Variants in GNL3L observed in about 807,000 individuals in gnomAD.
GNL3L encodes guanine nucleotide-binding protein-like 3-like protein.
A neutral mutation model predicts 42.9 loss-of-function variants in GNL3L; 4 were observed. The observed-to-expected ratio is 0.09, with a 90% CI of 0.05 to 0.21. GNL3L has a LOEUF of 0.21. Ranked by LOEUF, GNL3L falls within the 10% of genes least tolerant of loss-of-function variation. The pLI is 1.00. For synonymous variants in GNL3L, 159 were observed against 176.3 expected (o/e 0.90, Z 0.78); for missense variants, 412 against 481.7 (o/e 0.86, Z 1.36).
At chrX:54,554,219 T>C in intron 13 of GNL3L, among the ~76,000 whole-genome samples, 1 of 111,191 alleles carries the variant, frequency 9.0e-6, no homozygotes, top group East Asian at 2.8e-4. Flanking sequence ...AGTCTGGTCC[T>C]GGGGAGGGAA....
chrX:54,557,369 C>G (rs968233659), intron 14 of GNL3L, among the ~76,000 whole-genome samples: 1 of 108,335 alleles, frequency 9.2e-6, no homozygotes, highest in African/African-American at 3.4e-5. Flanking sequence ...CTCAAGCAAT[C>G]CCCCCACCTC....
intron 16 of GNL3L, among the ~76,000 whole-genome samples, chrX:54,586,136 G>A (rs1042488418): frequency 3.6e-5 from 4 of 111,399 alleles, no homozygotes; most frequent in Non-Finnish European, 7.5e-5. Context: ...GGAAGGAGAA[G>A]GAAATGAAGC....
chrX:54,613,600 T>C (rs1282890083), intron 16 of GNL3L, among the ~76,000 whole-genome samples: 1 of 111,018 alleles, frequency 9.0e-6, no homozygotes, highest in Non-Finnish European at 1.9e-5. Context: ...GAAGGGATGT[T>C]CCCTTGATGT....
intron 16 of GNL3L, among the ~76,000 whole-genome samples, chrX:54,601,720 A>G (rs979775279): frequency 1.8e-5 from 2 of 111,991 alleles, no homozygotes; most frequent in Non-Finnish European, 3.8e-5. Flanking sequence ...GAACAGTACT[A>G]TTAACCCCAA....
intron 5 of GNL3L, 65 bp from the exon 6 acceptor site, chrX:54,542,890 C>T: frequency 1.5e-6 from 1 of 679,773 alleles, no homozygotes; most frequent in East Asian, 3.4e-5. Flanking sequence ...TTAAAAAGCC[C>T]TGCTTCTCTT....
At chrX:54,547,000 CTTTTTTTTTTT>C (rs748207972) in intron 8 of GNL3L, among the ~76,000 whole-genome samples, 1 of 91,912 alleles carries the variant, frequency 1.1e-5, no homozygotes, top group African/African-American at 4.0e-5. Flanking sequence ...TTTTTTTTTT[CTTTTTTTTTTT>C]TTTGAGATGA....
chrX:54,623,148 G>A (rs1174712935), downstream of GNL3L, among the ~76,000 whole-genome samples: 3 of 112,257 alleles, frequency 2.7e-5, no homozygotes, highest in Non-Finnish European at 5.6e-5. Context: ...CAGGAAGTAT[G>A]AGTCCTCCAA....
chrX:54,623,514 C>T (rs5960323), downstream of GNL3L, among the ~76,000 whole-genome samples: 14,860 of 111,698 alleles, frequency 0.13, 1,505 homozygotes, highest in African/African-American at 0.36. Flanking sequence ...CCGCCTGCCT[C>T]GGTCTCCCAA....
At chrX:54,638,562 C>T in the GNL3L span, among the ~76,000 whole-genome samples, 22 of 111,625 alleles carry the variant, frequency 2.0e-4, no homozygotes, top group South Asian at 7.5e-4. Context: ...CCTCCGCCTC[C>T]CGGGTTCAAG....
At chrX:54,534,360 A>G (rs1924359708) in intron 2 of GNL3L, among the ~76,000 whole-genome samples, 1 of 111,106 alleles carries the variant, frequency 9.0e-6, no homozygotes, top group South Asian at 3.8e-4. Flanking sequence ...GTATCAAGGC[A>G]GGAGCTTGGA....
At chrX:54,536,837 G>A (rs1924447137) in intron 2 of GNL3L, among the ~76,000 whole-genome samples, 1 of 105,504 alleles carries the variant, frequency 9.5e-6, no homozygotes, top group African/African-American at 3.5e-5. Flanking sequence ...AGAGACGAAA[G>A]AAAGGAAGGA....
intron 16 of GNL3L, among the ~76,000 whole-genome samples, chrX:54,613,960 C>T (rs762532898): frequency 4.5e-5 from 5 of 110,159 alleles, no homozygotes; most frequent in East Asian, 2.9e-4. Context: ...AGAAAGGGAC[C>T]GGCAGTGGGT....
chrX:54,590,307 A>G (rs1431518187), intron 16 of GNL3L, among the ~76,000 whole-genome samples: 1 of 112,355 alleles, frequency 8.9e-6, no homozygotes, highest in East Asian at 2.8e-4. Context: ...CTGATGATGA[A>G]TGATGTTGAG....
chrX:54,618,167 TC>T (rs1218315474), intron 16 of GNL3L, among the ~76,000 whole-genome samples: 2 of 111,059 alleles, frequency 1.8e-5, no homozygotes, highest in African/African-American at 6.5e-5. Context: ...TTTTGCTCAT[TC>T]CTCCCTCTTG....
chrX:54,630,701 T>TTCCTTC, the GNL3L span, among the ~76,000 whole-genome samples: 1,205 of 20,537 alleles, frequency 0.059, 44 homozygotes, highest in Admixed American at 0.15. Flanking sequence ...TTCCTTCCTT[T>TTCCTTC]CTTTCTTTTT....
chrX:54,574,171 T>A (rs1925602128), intron 16 of GNL3L, among the ~76,000 whole-genome samples: 1 of 111,761 alleles, frequency 8.9e-6, no homozygotes, highest in Non-Finnish European at 1.9e-5. Context: ...AGGACAATGT[T>A]GTGTAGAAGT....
At chrX:54,613,331 C>T (rs767905301) in intron 16 of GNL3L, among the ~76,000 whole-genome samples, 2 of 111,648 alleles carry the variant, frequency 1.8e-5, no homozygotes, top group Non-Finnish European at 3.8e-5. Flanking sequence ...TTTCTCTCTT[C>T]AATTCTTGTA....
At chrX:54,639,844 G>A in the GNL3L span, among the ~76,000 whole-genome samples, 21 of 110,700 alleles carry the variant, frequency 1.9e-4, no homozygotes, top group Non-Finnish European at 3.4e-4. Context: ...GAGCTCCGGT[G>A]AGAGTAACAG....
At chrX:54,590,046 T>G (rs1318041300) in intron 16 of GNL3L, among the ~76,000 whole-genome samples, 3 of 110,670 alleles carry the variant, frequency 2.7e-5, no homozygotes, top group Non-Finnish European at 5.7e-5. Context: ...TTCAAGCGAT[T>G]CTCCTGCCTC....
Sources: allele counts gnomAD v4.1 joint callset (sites outside exome capture counted in the v4.1 genomes callset), GRCh38; gene constraint gnomAD v4.1.1; transcripts MANE v1.5; gene names NCBI Gene and HGNC (gene_info 2026-07-23, HGNC 2026-07-21).